The following CHD2 variants were observed in gnomAD, a reference collection of about 807,000 sequenced individuals.
The protein encoded by CHD2 is ATP-dependent chromatin remodeler CHD2.
In CHD2, 28 loss-of-function variants were observed where a neutral mutation model predicts 243.9. That is an observed-to-expected ratio of 0.11 (90% CI 0.09 to 0.16). CHD2 has a LOEUF of 0.16. Among genes scored for constraint, CHD2 ranks in the 10% least tolerant of loss-of-function variants. CHD2 has a pLI of 1.00. For synonymous variants in CHD2, 775 were observed against 779.0 expected (o/e 0.99, Z 0.09); for missense variants, 1,386 against 2,209.8 (o/e 0.63, Z 7.47).
At chr15:92,923,855 C>T (rs1434088249) in intron 2 of CHD2, among the ~76,000 whole-genome samples, 18 of 152,100 alleles carry the variant, frequency 1.2e-4, no homozygotes, top group African/African-American at 3.6e-4. Flanking sequence ...TGAGCCACCG[C>T]GCCCGGCCTG....
At chr15:92,993,782 C>A (rs1567156152) in intron 28 of CHD2, among the ~76,000 whole-genome samples, 1 of 152,190 alleles carries the variant, frequency 6.6e-6, no homozygotes, top group African/African-American at 2.4e-5. Context: ...CTTGTCTCTA[C>A]AAACAGTTTA....
In CHD2 at chr15:92,997,523, C is replaced by T. The variant is rs1354417035; in HGVS notation, c.3885+120C>T. The T allele has an allele frequency of 7.2e-6, 6 of 832,360 alleles. No individual in the cohort carries two copies. The highest frequency in any genetic ancestry group is 7.1e-5 in the African/African-American group (4 of 56,162). 51.6% of individuals were successfully genotyped at this position (832,360 alleles called of 1,614,324 possible). ...CAAATTAGAAATTAGTATAGTCATT[C>T]TTGGAAATACTTCCATCTTTAGCAG... On this transcript the variant is annotated intron_variant, in intron 30 of 38. Coordinates refer to ENST00000394196, the MANE Select transcript of CHD2 (RefSeq NM_001271.4). This position sits in a 1 kb window ranked among gnomAD's most constrained non-coding sequence, Gnocchi z 4.1.
intron 2 of CHD2, among the ~76,000 whole-genome samples, chr15:92,903,233 T>C (rs546962042): frequency 1.8e-4 from 28 of 152,346 alleles, no homozygotes; most frequent in African/African-American, 6.3e-4. Flanking sequence ...TAGATTAATA[T>C]TACTTCTACT....
At position 93,010,599 on chromosome 15, in the gene CHD2, T is replaced by C. The variant is rs994087228; in HGVS notation, c.4592+1276T>C. 9.9e-5 allele frequency among the ~76,000 whole-genome samples: 15 copies of C among 152,224 alleles called. No homozygotes were observed. The East Asian group carries it at 2.9e-3, about 29-fold the overall frequency. On this transcript the variant is annotated intron_variant, in intron 35 of 38. Coordinates refer to ENST00000394196, the MANE Select transcript of CHD2 (RefSeq NM_001271.4). ...CCATCACGCCTGGCTAATTTTTGTA[T>C]TTTTAGTAGAGATGGGGTTTCATCA...
At chr15:93,016,774 C>G (rs1324443899) in intron 37 of CHD2, among the ~76,000 whole-genome samples, 1 of 7,312 alleles carries the variant, frequency 1.4e-4, no homozygotes, top group African/African-American at 1.6e-4. Flanking sequence ...AGAGTGAGAC[C>G]GTCTCAAAAA....
Position 92,939,708 on chromosome 15 carries a change from A to G in CHD2, c.682A>G (p.Lys228Glu), listed in dbSNP as rs2053326308. 6.2e-7 allele frequency: 1 copy of G among 1,613,584 alleles called. No individual in the cohort carries two copies. The highest frequency in any genetic ancestry group is 8.5e-7 in the Non-Finnish European group (1 of 1,179,942). The change falls in exon 7 of 39, where the codon AAA (lysine) becomes GAA (glutamate). Residue 228 changes from lysine (K) to glutamate (E), a missense_variant. Lys to Glu is a moderately conservative substitution (Grantham distance 56, BLOSUM62 1). Transcript: ENST00000394196. ...AAGGCAGACTCGTCGAAGAGCGGCT[A>G]AAAACGTTAGGTAAGTTGTACCCCA... is the stretch of plus-strand genomic sequence containing the variant. The part of the protein sequence containing the change: ...PKRQTRRRAA[K>E]NVSYKEDDDF...
chr15:92,988,993 C>CTT (rs1567153986), intron 26 of CHD2, among the ~76,000 whole-genome samples: 1 of 139,670 alleles, frequency 7.2e-6, no homozygotes, highest in Non-Finnish European at 1.6e-5. Flanking sequence ...CTATTACCTG[C>CTT]TTTTTTTCCT....
intron 37 of CHD2, among the ~76,000 whole-genome samples, chr15:93,018,651 T>C (rs1318643794): frequency 6.6e-6 from 1 of 152,198 alleles, no homozygotes; most frequent in African/African-American, 2.4e-5. Context: ...GCAGGGTTGG[T>C]TCCTTCTGGA....
intron 5 of CHD2, 121 bp from the exon 6 acceptor site, chr15:92,937,397 G>A (rs1048547623): frequency 6.2e-6 from 4 of 648,430 alleles, no homozygotes; most frequent in African/African-American, 5.5e-5. Context: ...ATCTCTTTTA[G>A]CATGTCTAAA....
At chr15:92,932,054 G>T (rs553615972) in intron 5 of CHD2, among the ~76,000 whole-genome samples, 2 of 152,076 alleles carry the variant, frequency 1.3e-5, no homozygotes, top group African/African-American at 4.8e-5. Flanking sequence ...AATAGAGACG[G>T]GGTTTCACCA....
chr15:92,945,572 AT>A (rs2053452644), intron 10 of CHD2: 1 of 190,704 alleles, frequency 5.2e-6, no homozygotes, highest in Non-Finnish European at 1.1e-5. Context: ...TAATTTCTAT[AT>A]TTTTAGTAGA....
intron 19 of CHD2, 80 bp from the exon 20 acceptor site, chr15:92,974,799 A>G (rs986579060): frequency 3.1e-6 from 4 of 1,309,146 alleles, no homozygotes; most frequent in Admixed American, 3.5e-5. Context: ...TTCAGGTGAT[A>G]AAGGTTCCAA....
intron 2 of CHD2, chr15:92,904,858 CTTTTA>C (rs1319278862): frequency 1.4e-5 from 22 of 1,525,616 alleles, no homozygotes; most frequent in East Asian, 7.4e-5. Flanking sequence ...GAGGCGGATA[CTTTTA>C]TTTTAGTGAA....
Position 93,014,987 on chromosome 15 carries a change from A to G in CHD2, c.4906+78A>G, listed in dbSNP as rs571846604. On this transcript the variant is annotated intron_variant, in intron 37 of 38. Coordinates refer to ENST00000394196, the MANE Select transcript of CHD2 (RefSeq NM_001271.4). ...CACAGCCGTTTCATTTTCCAAAGACACTGGCTAGACTTCTGTGCTTTATTA... is the reference window on the plus strand; with the variant it reads ...CACAGCCGTTTCATTTTCCAAAGACGCTGGCTAGACTTCTGTGCTTTATTA... 1.2e-5 allele frequency: 13 copies of G among 1,091,454 alleles called. No individual in the cohort carries two copies. In the South Asian group the frequency reaches 1.4e-4, roughly 12 times the overall value. 67.6% of individuals were successfully genotyped at this position (1,091,454 alleles called of 1,614,324 possible). A position where few individuals can be genotyped will look rare whatever the true frequency, so the allele number is the denominator to read the frequency against.
chr15:92,978,441 C>T (rs544561632), intron 21 of CHD2, 58 bp downstream of exon 21: 219 of 1,533,562 alleles, frequency 1.4e-4, no homozygotes, highest in Non-Finnish European at 1.9e-4. Flanking sequence ...GGGGCTTGTT[C>T]AGCCCTTTCA....
chr15:92,901,371 C>A, intron 2 of CHD2, 72 bp downstream of exon 2: 1 of 879,816 alleles, frequency 1.1e-6, no homozygotes, highest in East Asian at 2.6e-5. Flanking sequence ...AATTGTTTAC[C>A]TTGACAGACA....
chr15:93,003,795 A>G (rs1596451518), intron 33 of CHD2, among the ~76,000 whole-genome samples: 1 of 122,394 alleles, frequency 8.2e-6, no homozygotes, highest in Admixed American at 7.8e-5. Context: ...GTATATCCAT[A>G]TAACTATAAA....
chr15:93,027,988 T>C lies in CHD2; in HGVS notation c.*3283T>C, dbSNP rs1032647014. 1 of 152,654 alleles carries C rather than the reference T, an allele frequency of 6.6e-6. No homozygotes were observed. The highest frequency in any genetic ancestry group is 1.5e-5 in the Non-Finnish European group (1 of 68,046). 9.5% of individuals were successfully genotyped at this position (152,654 alleles called of 1,614,324 possible). ...GTATATTAAAAAGTGTTACTGAGCA[T>C]TTTTAGAATTGGGCTAACACGTTGC... is the stretch of plus-strand genomic sequence containing the variant. On this transcript the variant is annotated 3_prime_UTR_variant, in exon 39 of 39. Coordinates refer to ENST00000394196, the MANE Select transcript of CHD2 (RefSeq NM_001271.4).
At chr15:92,975,051 G>A (rs1469118919) in intron 20 of CHD2, 101 bp downstream of exon 20, 2 of 931,130 alleles carry the variant, frequency 2.1e-6, no homozygotes, top group Non-Finnish European at 3.3e-6. Flanking sequence ...AATTTATAGT[G>A]CAATTCTTTT....
Sources: allele counts gnomAD v4.1 joint callset (sites outside exome capture counted in the v4.1 genomes callset), GRCh38; gene constraint gnomAD v4.1.1; non-coding constraint Gnocchi (gnomAD v3.1); transcripts MANE v1.5; gene names NCBI Gene and HGNC (gene_info 2026-07-23, HGNC 2026-07-21).